Variants in B3GALT1 observed in about 807,000 individuals in gnomAD.
B3GALT1 encodes beta-1,3-galactosyltransferase 1, also known as UDP-Gal:betaGlcNAc beta 1,3-galactosyltransferase, polypeptide 1.
In B3GALT1, 10 loss-of-function variants were observed where a neutral mutation model predicts 23.2. The observed-to-expected ratio is 0.43, with a 90% CI of 0.27 to 0.73. B3GALT1 has a LOEUF of 0.73. Among genes scored for constraint, B3GALT1 ranks in the 30% least tolerant of loss-of-function variants. The probability of loss-of-function intolerance (pLI) is 0.21; values close to 1 mark genes in which losing one functional copy is unlikely to be tolerated. For missense variants in B3GALT1, 299 were observed against 405.4 expected (o/e 0.74, Z 2.25); for synonymous variants, 156 against 141.5 (o/e 1.10, Z -0.73).
intron 3 of B3GALT1, among the ~76,000 whole-genome samples, chr2:167,816,913 C>T (rs1010525534): frequency 6.6e-6 from 1 of 152,162 alleles, no homozygotes; most frequent in Non-Finnish European, 1.5e-5. Flanking sequence ...TTACATGGTA[C>T]ACTCCCATTA....
intron 2 of B3GALT1, among the ~76,000 whole-genome samples, chr2:167,618,464 C>T (rs1257748293): frequency 1.3e-5 from 2 of 151,798 alleles, no homozygotes; most frequent in Non-Finnish European, 2.9e-5. Flanking sequence ...TCCAGGATAC[C>T]TCTATATGTA....
intron 4 of B3GALT1, among the ~76,000 whole-genome samples, chr2:167,864,655 T>G (rs1206240771): frequency 1.3e-5 from 2 of 152,226 alleles, no homozygotes. Flanking sequence ...TCCAAGATAT[T>G]GCCTATGTCT....
chr2:167,639,932 A>G (rs1335322588), intron 2 of B3GALT1, among the ~76,000 whole-genome samples: 1 of 152,156 alleles, frequency 6.6e-6, no homozygotes, highest in African/African-American at 2.4e-5. Flanking sequence ...GTGAAAGTGG[A>G]TCACAGAAAA....
intron 1 of B3GALT1, among the ~76,000 whole-genome samples, chr2:167,487,492 T>C (rs140467284): frequency 6.6e-6 from 1 of 152,294 alleles, no homozygotes; most frequent in East Asian, 1.9e-4. Flanking sequence ...TTAGAAGGCT[T>C]AAAAATCCAA....
chr2:167,865,619 G>A (rs954517886), intron 4 of B3GALT1, among the ~76,000 whole-genome samples: 8 of 151,936 alleles, frequency 5.3e-5, no homozygotes, highest in African/African-American at 1.9e-4. Flanking sequence ...GTGAAACCCC[G>A]TCTCTACTAA....
At chr2:167,578,013 T>A (rs189597171) in intron 2 of B3GALT1, among the ~76,000 whole-genome samples, 6 of 151,894 alleles carry the variant, frequency 4.0e-5, no homozygotes, top group Admixed American at 2.0e-4. Flanking sequence ...CAATCAAAAA[T>A]TTTTTTTACC....
chr2:167,559,698 G>A (rs565647853), intron 2 of B3GALT1, among the ~76,000 whole-genome samples: 66 of 152,234 alleles, frequency 4.3e-4, no homozygotes, highest in Non-Finnish European at 7.2e-4. Flanking sequence ...TGGAAGAAAG[G>A]GTATCAGTGA....
intron 3 of B3GALT1, among the ~76,000 whole-genome samples, chr2:167,667,597 G>A (rs930969818): frequency 2.0e-5 from 3 of 152,176 alleles, no homozygotes; most frequent in African/African-American, 4.8e-5. Context: ...CCAATCAGAC[G>A]TAGATTTGGT....
At chr2:167,802,227 AG>A (rs1688652242) in intron 3 of B3GALT1, among the ~76,000 whole-genome samples, 2 of 152,226 alleles carry the variant, frequency 1.3e-5, no homozygotes, top group Non-Finnish European at 2.9e-5. Flanking sequence ...ACACGGACTT[AG>A]CATGTGGTGA....
intron 1 of B3GALT1, among the ~76,000 whole-genome samples, chr2:167,435,169 GATAC>G (rs944958830): frequency 3.3e-5 from 5 of 151,778 alleles, no homozygotes; most frequent in African/African-American, 1.2e-4. Context: ...TTTTAAGAAA[GATAC>G]ATACATTTTT....
chr2:167,325,442 G>A (rs1169779808), intron 1 of B3GALT1, among the ~76,000 whole-genome samples: 2 of 151,822 alleles, frequency 1.3e-5, no homozygotes, highest in Non-Finnish European at 2.9e-5. Context: ...AGAGAGAAGG[G>A]AGGTGCTACG....
At position 167,715,418 on chromosome 2, in the gene B3GALT1, G is replaced by T; in HGVS notation, c.-352+68452G>T. 10 of 1,610,910 alleles carry T rather than the reference G, an allele frequency of 6.2e-6. No individual in the cohort carries two copies. In the South Asian group the frequency reaches 8.8e-5, roughly 14 times the overall value. On this transcript the variant is annotated intron_variant, in intron 3 of 4. Coordinates refer to ENST00000392690, the MANE Select transcript of B3GALT1 (RefSeq NM_020981.4). ...CTGTTTCTGGCTTTCCTGAAGTTGAGAATTTTCACTCAAAGCATCTTTTAT... is the reference window on the plus strand; with the variant it reads ...CTGTTTCTGGCTTTCCTGAAGTTGATAATTTTCACTCAAAGCATCTTTTAT...
intron 2 of B3GALT1, among the ~76,000 whole-genome samples, chr2:167,583,663 CATT>C (rs1267064539): frequency 1.3e-5 from 2 of 148,250 alleles, no homozygotes; most frequent in Non-Finnish European, 3.0e-5. Flanking sequence ...TTAAAAATTG[CATT>C]TGATATTGAT....
At chr2:167,649,010 C>T (rs1429579779) in intron 3 of B3GALT1, among the ~76,000 whole-genome samples, 11 of 152,112 alleles carry the variant, frequency 7.2e-5, no homozygotes, top group Non-Finnish European at 1.2e-4. Flanking sequence ...CTTTCACTTG[C>T]TCAAACTATA....
chr2:167,408,807 A>AAAAAAAAAAAC (rs1559087681), intron 1 of B3GALT1, among the ~76,000 whole-genome samples: 17 of 138,034 alleles, frequency 1.2e-4, no homozygotes, highest in South Asian at 4.4e-4. Flanking sequence ...ACAAAAAAAA[A>AAAAAAAAAAAC]AAAAAACAAA....
chr2:167,519,430 A>G (rs1162481446), intron 2 of B3GALT1, among the ~76,000 whole-genome samples: 1 of 152,136 alleles, frequency 6.6e-6, no homozygotes, highest in Non-Finnish European at 1.5e-5. Context: ...ATTTAATTTT[A>G]TCCAGTTTGC....
intron 2 of B3GALT1, among the ~76,000 whole-genome samples, chr2:167,527,953 C>T (rs753455848): frequency 6.6e-6 from 1 of 152,028 alleles, no homozygotes; most frequent in Non-Finnish European, 1.5e-5. Flanking sequence ...AACTGTTGCT[C>T]TTTTTTGATT....
At chr2:167,818,071 G>A (rs1412650347) in intron 3 of B3GALT1, among the ~76,000 whole-genome samples, 1 of 152,202 alleles carries the variant, frequency 6.6e-6, no homozygotes, top group African/African-American at 2.4e-5. Context: ...AAGTTAAGAT[G>A]TTGCAGAAGA....
rs191396572 is a variant in B3GALT1 at position 167,787,047 on chromosome 2, C to A, written c.-351-31625C>A. 4.6e-5 allele frequency among the ~76,000 whole-genome samples: 7 copies of A among 152,308 alleles called. 1 individual carries two copies. The East Asian group carries it at 1.3e-3, about 29-fold the overall frequency. On this transcript the variant is annotated intron_variant, in intron 3 of 4. Coordinates refer to ENST00000392690, the MANE Select transcript of B3GALT1 (RefSeq NM_020981.4). Reference sequence around the variant, plus strand: ...ACTAGAAGTAGGAAATCCCTGGGATCTGATTATGGCCTGGTCCGTCTGTAT... The same window carrying A: ...ACTAGAAGTAGGAAATCCCTGGGATATGATTATGGCCTGGTCCGTCTGTAT...
Sources: allele counts gnomAD v4.1 joint callset (sites outside exome capture counted in the v4.1 genomes callset), GRCh38; gene constraint gnomAD v4.1.1; transcripts MANE v1.5; gene names NCBI Gene and HGNC (gene_info 2026-07-23, HGNC 2026-07-21).